ZNF385D: variants seen among roughly 807,000 people sequenced by gnomAD.
The protein encoded by ZNF385D is zinc finger protein 659.
In ZNF385D, 15 loss-of-function variants were observed where a neutral mutation model predicts 35.8. The observed-to-expected ratio is 0.42, with a 90% CI of 0.28 to 0.64. The LOEUF (loss-of-function observed/expected upper bound fraction) is 0.64, where lower values mean the gene tolerates loss of function less well. Ranked by LOEUF, ZNF385D falls within the 30% of genes least tolerant of loss-of-function variation. The pLI is 0.23. For missense variants in ZNF385D, 474 were observed against 494.6 expected (o/e 0.96, Z 0.39); for synonymous variants, 212 against 186.8 (o/e 1.13, Z -1.10).
At chr3:21,849,687 T>G (rs901909783) in intron 3 of ZNF385D, 1 of 144,062 alleles carries the variant, frequency 6.9e-6, no homozygotes, top group Admixed American at 7.2e-5. Flanking sequence ...TATCTTCTAA[T>G]GCAGATGTCC....
chr3:21,550,471 C>T (rs1423669775), intron 3 of ZNF385D, among the ~76,000 whole-genome samples: 1 of 152,004 alleles, frequency 6.6e-6, no homozygotes, highest in Non-Finnish European at 1.5e-5. Context: ...TTTTTATGTT[C>T]TAAAATGTGG....
chr3:21,499,191 G>T (rs915713592), intron 4 of ZNF385D, among the ~76,000 whole-genome samples: 3 of 151,972 alleles, frequency 2.0e-5, no homozygotes, highest in Admixed American at 6.6e-5. Context: ...TATGTTACTT[G>T]CAGTACGATT....
At chr3:22,270,552 G>C (rs1701120001) in intron 2 of ZNF385D, among the ~76,000 whole-genome samples, 1 of 151,954 alleles carries the variant, frequency 6.6e-6, no homozygotes, top group Non-Finnish European at 1.5e-5. Context: ...TGTGGTGTTA[G>C]AGTGAATGAC....
intron 3 of ZNF385D, among the ~76,000 whole-genome samples, chr3:21,969,240 T>C (rs1320467927): frequency 2.0e-5 from 3 of 152,130 alleles, no homozygotes; most frequent in Admixed American, 6.5e-5. Flanking sequence ...TTAGGCTTTG[T>C]GCCCCCACTC....
intron 2 of ZNF385D, among the ~76,000 whole-genome samples, chr3:22,222,367 A>G (rs1263940650): frequency 6.6e-6 from 1 of 152,160 alleles, no homozygotes; most frequent in African/African-American, 2.4e-5. Flanking sequence ...AACCTACTGA[A>G]TGAAAAAAAC....
At chr3:21,782,042 A>G (rs1454297352) in intron 3 of ZNF385D, among the ~76,000 whole-genome samples, 2 of 152,022 alleles carry the variant, frequency 1.3e-5, no homozygotes, top group African/African-American at 2.4e-5. Flanking sequence ...TGCACCCTAT[A>G]TGCTTTGTTC....
At chr3:21,851,357 C>T (rs568343199) in intron 3 of ZNF385D, among the ~76,000 whole-genome samples, 2 of 152,012 alleles carry the variant, frequency 1.3e-5, no homozygotes, top group South Asian at 4.1e-4. Flanking sequence ...TTTAGTTTGG[C>T]AACTTCTTGG....
chr3:22,126,672 T>G (rs1703448941), intron 3 of ZNF385D, among the ~76,000 whole-genome samples: 1 of 152,136 alleles, frequency 6.6e-6, no homozygotes, highest in Admixed American at 6.6e-5. Flanking sequence ...TTGGATGAAA[T>G]GTTCTGTAGA....
chr3:22,130,051 G>A (rs778842718), intron 3 of ZNF385D, among the ~76,000 whole-genome samples: 2 of 152,074 alleles, frequency 1.3e-5, no homozygotes, highest in Admixed American at 6.6e-5. Flanking sequence ...TGCCAGAACT[G>A]GGTCCTTCTC....
intron 3 of ZNF385D, among the ~76,000 whole-genome samples, chr3:21,952,459 G>C (rs1702108757): frequency 6.6e-6 from 1 of 151,820 alleles, no homozygotes; most frequent in African/African-American, 2.4e-5. Flanking sequence ...CCTGATATCA[G>C]AATTATTAAA....
In ZNF385D at chr3:22,212,777, C is replaced by G. The variant is rs574598235; in HGVS notation, c.107-43742G>C. 2.6e-5 allele frequency among the ~76,000 whole-genome samples: 4 copies of G among 151,988 alleles called. No homozygotes were observed. The South Asian group carries it at 8.3e-4, about 32-fold the overall frequency. The stretch of plus-strand genomic sequence containing the variant: ...TATTAGGACAGAGATAATAGTATAG[C>G]TATAGTTAGCAAAGAACTATTTAAA... On this transcript the variant is annotated intron_variant, in intron 2 of 5. Coordinates refer to the ZNF385D transcript ENST00000494108.
intron 2 of ZNF385D, among the ~76,000 whole-genome samples, chr3:21,630,540 A>G (rs2065251886): frequency 1.3e-5 from 2 of 152,130 alleles, no homozygotes; most frequent in South Asian, 4.1e-4. Flanking sequence ...TCGTAACTGC[A>G]CTTCTGAAAC....
At chr3:21,715,397 T>A (rs1559545806) in intron 1 of ZNF385D, among the ~76,000 whole-genome samples, 1 of 152,118 alleles carries the variant, frequency 6.6e-6, no homozygotes, top group Non-Finnish European at 1.5e-5. Flanking sequence ...TGACCTCCAG[T>A]TCCATCCAAG....
chr3:22,176,322 T>TA (rs1481839841), intron 2 of ZNF385D, among the ~76,000 whole-genome samples: 1 of 152,176 alleles, frequency 6.6e-6, no homozygotes, highest in Non-Finnish European at 1.5e-5. Context: ...TGTCACATGT[T>TA]ATCATAAGTT....
At chr3:22,005,225 C>T (rs1199412172) in intron 3 of ZNF385D, among the ~76,000 whole-genome samples, 1 of 151,384 alleles carries the variant, frequency 6.6e-6, no homozygotes, top group Non-Finnish European at 1.5e-5. Context: ...AAATTAAAAC[C>T]ACAATGAGAT....
At chr3:22,322,592 C>T (rs987294270) in intron 2 of ZNF385D, among the ~76,000 whole-genome samples, 1 of 152,184 alleles carries the variant, frequency 6.6e-6, no homozygotes, top group Admixed American at 6.5e-5. Context: ...GTGATATTTT[C>T]AGTTAAGGGA....
At chr3:22,225,873 T>A (rs990890539) in intron 2 of ZNF385D, among the ~76,000 whole-genome samples, 10 of 152,204 alleles carry the variant, frequency 6.6e-5, no homozygotes, top group African/African-American at 2.4e-4. Flanking sequence ...TCTTGGCCAG[T>A]AATACTACAT....
At chr3:21,686,016 C>G (rs1464663726) in intron 1 of ZNF385D, among the ~76,000 whole-genome samples, 1 of 152,062 alleles carries the variant, frequency 6.6e-6, no homozygotes, top group Non-Finnish European at 1.5e-5. Context: ...GATGTCCAGC[C>G]TGGCTTTCCC....
intron 1 of ZNF385D, among the ~76,000 whole-genome samples, chr3:21,667,374 C>A (rs1242527872): frequency 1.3e-5 from 2 of 152,062 alleles, no homozygotes; most frequent in East Asian, 3.9e-4. Context: ...GTTGCCTAGG[C>A]TGGTCTCAAA....
Sources: gnomAD v4.1 joint callset for allele counts (sites outside exome capture counted in the v4.1 genomes callset) on GRCh38, gnomAD v4.1.1 for gene constraint, MANE v1.5 for transcripts, NCBI Gene and HGNC (gene_info 2026-07-23, HGNC 2026-07-21) for gene names.